C8orf34: variants seen among roughly 807,000 people sequenced by gnomAD.
C8orf34 encodes chromosome 8 open reading frame 34.
Under a neutral mutation model 68.3 loss-of-function variants are expected in C8orf34, and 65 were observed. The ratio of observed to expected loss-of-function variants is 0.95; its 90% CI spans 0.78 to 1.17. C8orf34 has a LOEUF of 1.17. C8orf34 is among the 50% of genes most tolerant of loss of function. C8orf34 has a pLI of 0.00. For synonymous variants in C8orf34, 244 were observed against 241.2 expected (o/e 1.01, Z -0.11); for missense variants, 664 against 655.4 (o/e 1.01, Z -0.14).
intron 8 of C8orf34, among the ~76,000 whole-genome samples, chr8:68,671,400 C>T (rs1202033519): frequency 6.6e-6 from 1 of 152,138 alleles, no homozygotes; most frequent in African/African-American, 2.4e-5. Context: ...TTGCAAGTTA[C>T]TGAGACGAGA....
Position 68,794,155 on chromosome 8 carries a change from T to A in C8orf34, c.1549+6619T>A, listed in dbSNP as rs138179235. Among the ~76,000 whole-genome samples, 22 of 152,010 alleles carry A rather than the reference T, an allele frequency of 1.4e-4. No individual in the cohort carries two copies. In the East Asian group the frequency reaches 3.9e-3, roughly 27 times the overall value. On this transcript the variant is annotated intron_variant, in intron 12 of 13. Transcript: ENST00000518698. ...TTTTTGATATTTTTGATTTCGGAAT[T>A]TTTTTTCTGTTTTTAAAAATTTCTT...
intron 5 of C8orf34, among the ~76,000 whole-genome samples, chr8:68,504,845 A>G (rs1314369879): frequency 1.3e-5 from 2 of 151,516 alleles, no homozygotes; most frequent in African/African-American, 4.9e-5. Flanking sequence ...ATGCCCAGCT[A>G]ATTTTTGTAT....
chr8:68,558,561 A>C (rs1327109009), intron 7 of C8orf34, among the ~76,000 whole-genome samples: 1 of 151,992 alleles, frequency 6.6e-6, no homozygotes, highest in Non-Finnish European at 1.5e-5. Context: ...GTAATATGCT[A>C]ATAGGAAAAG....
intron 6 of C8orf34, among the ~76,000 whole-genome samples, chr8:68,532,360 A>G (rs992317494): frequency 2.0e-5 from 3 of 152,170 alleles, no homozygotes; most frequent in African/African-American, 7.2e-5. Flanking sequence ...CAAGTGGTAA[A>G]TGTTGATATT....
chr8:68,777,845 A>G (rs1242209533), intron 11 of C8orf34, among the ~76,000 whole-genome samples: 2 of 152,200 alleles, frequency 1.3e-5, no homozygotes, highest in Non-Finnish European at 2.9e-5. Flanking sequence ...GCTCTCAATA[A>G]TAATTTTTTG....
intron 7 of C8orf34, among the ~76,000 whole-genome samples, chr8:68,544,800 GA>G (rs1020367135): frequency 1.4e-4 from 21 of 151,032 alleles, no homozygotes; most frequent in African/African-American, 4.6e-4. Flanking sequence ...AAATAATTCG[GA>G]AAAAAAATCA....
At chr8:68,393,671 G>A (rs1365050796) in intron 1 of C8orf34, among the ~76,000 whole-genome samples, 3 of 152,114 alleles carry the variant, frequency 2.0e-5, no homozygotes, top group Non-Finnish European at 2.9e-5. Flanking sequence ...ACTGACAAGC[G>A]ATGAAATTAG....
At chr8:68,737,609 AG>A (rs1172805530) in intron 10 of C8orf34, among the ~76,000 whole-genome samples, 2 of 152,048 alleles carry the variant, frequency 1.3e-5, no homozygotes, top group African/African-American at 4.8e-5. Context: ...AGAAAAAAGC[AG>A]GGGTAGCAAC....
chr8:68,594,883 T>C (rs1220454222), intron 7 of C8orf34, among the ~76,000 whole-genome samples: 1 of 152,082 alleles, frequency 6.6e-6, no homozygotes, highest in Non-Finnish European at 1.5e-5. Flanking sequence ...ATACCTTTAA[T>C]AGGATAGATC....
intron 12 of C8orf34, among the ~76,000 whole-genome samples, chr8:68,809,186 T>C (rs1824573787): frequency 6.6e-6 from 1 of 152,214 alleles, no homozygotes; most frequent in African/African-American, 2.4e-5. Flanking sequence ...ATATACTAAC[T>C]ACATGATAGT....
chr8:68,667,770 A>G (rs1819884277), intron 8 of C8orf34, among the ~76,000 whole-genome samples: 1 of 152,182 alleles, frequency 6.6e-6, no homozygotes, highest in Non-Finnish European at 1.5e-5. Flanking sequence ...TATTTAAGCC[A>G]ATTTCTAGTC....
At chr8:68,407,352 C>T (rs762276847) in intron 1 of C8orf34, among the ~76,000 whole-genome samples, 6 of 152,018 alleles carry the variant, frequency 3.9e-5, no homozygotes, top group African/African-American at 7.2e-5. Flanking sequence ...GGGGCATATT[C>T]GTAAAACTGT....
intron 7 of C8orf34, among the ~76,000 whole-genome samples, chr8:68,556,294 C>CTT (rs201095460): frequency 9.4e-5 from 10 of 105,828 alleles, no homozygotes; most frequent in African/African-American, 1.9e-4. Flanking sequence ...AGGAGGGAAT[C>CTT]TTTTTTTTTT....
intron 3 of C8orf34, among the ~76,000 whole-genome samples, chr8:68,464,672 C>G (rs1241203423): frequency 3.5e-4 from 53 of 151,940 alleles, no homozygotes; most frequent in African/African-American, 1.1e-3. Context: ...TGATCTTTGA[C>G]AAACCTGAGA....
intron 7 of C8orf34, among the ~76,000 whole-genome samples, chr8:68,591,263 G>A (rs1474595839): frequency 1.3e-5 from 2 of 152,058 alleles, no homozygotes; most frequent in African/African-American, 4.8e-5. Context: ...CCATTAGTAG[G>A]GTAGAGACCA....
intron 7 of C8orf34, among the ~76,000 whole-genome samples, chr8:68,582,316 G>C (rs140788700): frequency 1.7e-4 from 26 of 152,290 alleles, no homozygotes; most frequent in Non-Finnish European, 2.8e-4. Flanking sequence ...TGGCCTCTCA[G>C]TGTGGCCTTC....
At chr8:68,438,202 A>C (rs1810743210) in intron 1 of C8orf34, 1 of 152,182 alleles carries the variant, frequency 6.6e-6, no homozygotes, top group South Asian at 2.1e-4. Flanking sequence ...GAAAACTGAT[A>C]TCAAACTAAG....
intron 10 of C8orf34, among the ~76,000 whole-genome samples, chr8:68,723,407 TGCCAAGTC>T (rs1371810941): frequency 6.6e-6 from 1 of 152,128 alleles, no homozygotes; most frequent in Non-Finnish European, 1.5e-5. Context: ...TATCCTTGTT[TGCCAAGTC>T]CCCTGTAACA....
chr8:68,412,755 C>T (rs1809498272), intron 1 of C8orf34, among the ~76,000 whole-genome samples: 1 of 152,154 alleles, frequency 6.6e-6, no homozygotes, highest in African/African-American at 2.4e-5. Context: ...TGTAGTCTCG[C>T]TTTCAGCCAT....
Sources: gnomAD v4.1 joint callset for allele counts (sites outside exome capture counted in the v4.1 genomes callset) on GRCh38, gnomAD v4.1.1 for gene constraint, MANE v1.5 for transcripts, NCBI Gene and HGNC (gene_info 2026-07-23, HGNC 2026-07-21) for gene names.